The following PIP4K2A variants were observed in gnomAD, a reference collection of about 807,000 sequenced individuals.
PIP4K2A encodes the protein phosphatidylinositol 5-phosphate 4-kinase type-2 alpha.
Under a neutral mutation model 42.9 loss-of-function variants are expected in PIP4K2A, and 14 were observed. The observed-to-expected ratio is 0.33, with a 90% CI of 0.22 to 0.51. The LOEUF (loss-of-function observed/expected upper bound fraction) is 0.51. Among genes scored for constraint, PIP4K2A ranks in the 20% least tolerant of loss-of-function variants. The pLI is 0.97. For synonymous variants in PIP4K2A, 192 were observed against 192.2 expected, an observed-to-expected ratio of 1.00 and a Z score of 0.01; for missense variants, 434 against 519.8, an observed-to-expected ratio of 0.83 and a Z score of 1.61.
chr10:22,627,588 T>TAAAAAA (rs1564448260), intron 1 of PIP4K2A, among the ~76,000 whole-genome samples: 8 of 38,916 alleles, frequency 2.1e-4, no homozygotes, highest in Non-Finnish European at 2.8e-4. Flanking sequence ...AGCTAATATG[T>TAAAAAA]AATAAAAAAA....
intron 1 of PIP4K2A, among the ~76,000 whole-genome samples, chr10:22,651,234 G>C (rs1354257028): frequency 6.6e-6 from 1 of 152,144 alleles, no homozygotes; most frequent in African/African-American, 2.4e-5. Flanking sequence ...CTGGTCTCCT[G>C]CCTTTCACTC....
rs57671642 is a variant in PIP4K2A, at chr10:22,627,591, T to TAAAAAAAAAAAAAAAAA, written c.145-17891_145-17875dup. Among the ~76,000 whole-genome samples the TAAAAAAAAAAAAAAAAA allele has an allele frequency of 6.7e-4, 38 of 57,028 alleles. 7 individuals are homozygous for TAAAAAAAAAAAAAAAAA. Among genetic ancestry groups the TAAAAAAAAAAAAAAAAA allele is most frequent in the East Asian group, 1.9e-3 (2 of 1,042 alleles). The allele number at this position is 57,028 out of a possible 152,430, so 37.4% of individuals were successfully genotyped here. ...TGTTTAACCAAAAGCTAATATGTAA[T>TAAAAAAAAAAAAAAAAA]AAAAAAAAAAAAAAAAAAAAAAAAA... is the stretch of plus-strand genomic sequence containing the variant. On this transcript the variant is annotated intron_variant, in intron 1 of 9. Transcript: ENST00000376573.
chr10:22,597,259 C>T (rs554050142), intron 3 of PIP4K2A, among the ~76,000 whole-genome samples: 13 of 152,294 alleles, frequency 8.5e-5, no homozygotes, highest in African/African-American at 2.9e-4. Flanking sequence ...GAAGACCGTG[C>T]TGCTGAGCCC....
At chr10:22,541,181 G>A (rs897393757) in intron 8 of PIP4K2A, among the ~76,000 whole-genome samples, 2 of 152,190 alleles carry the variant, frequency 1.3e-5, no homozygotes, top group African/African-American at 4.8e-5. Flanking sequence ...TGACTCTAGG[G>A]AAGAGGGCCA....
At position 22,591,542 on chromosome 10, in the gene PIP4K2A, C is replaced by A. The variant is rs780758780; in HGVS notation, c.492+87G>T. The A allele has an allele frequency of 4.9e-6, 5 of 1,018,176 alleles. No individual in the cohort carries two copies. The East Asian group carries it at 9.8e-5, about 20-fold the overall frequency. The allele number at this position is 1,018,176 out of a possible 1,614,324, so 63.1% of individuals were successfully genotyped here. ...GAAATGTGTTCTTCTTGTTCTCTAA[C>A]TATATATTTAAATCTCTGGCCTTGG... On this transcript the variant is annotated intron_variant, in intron 4 of 9. Coordinates refer to ENST00000376573, the MANE Select transcript of PIP4K2A (RefSeq NM_005028.5).
Position 22,542,056 on chromosome 10 carries a change from A to G in PIP4K2A, c.793-9T>C. On this transcript the variant is annotated splice_polypyrimidine_tract_variant and intron_variant, in intron 7 of 9. Transcript: ENST00000376573. The stretch of plus-strand genomic sequence containing the variant: ...TTCAGCTGGGCCAGAAACTGGGGAC[A>G]GAGGCAACAGGGTGAGTCAGCCACA... The G allele has an allele frequency of 6.2e-7, 1 of 1,601,174 alleles. No homozygotes were observed. Among genetic ancestry groups the G allele is most frequent in the Non-Finnish European group, 8.5e-7 (1 of 1,173,520 alleles).
intron 1 of PIP4K2A, among the ~76,000 whole-genome samples, chr10:22,643,514 C>A (rs1838821155): frequency 6.6e-6 from 1 of 152,144 alleles, no homozygotes. Flanking sequence ...AGAATTCTAG[C>A]CACCAGCTCG....
chr10:22,625,052 C>A lies in PIP4K2A; in HGVS notation c.145-15335G>T, dbSNP rs192987906. 7.0e-3 allele frequency among the ~76,000 whole-genome samples: 1,072 copies of A among 152,244 alleles called. 25 individuals carry two copies. Among genetic ancestry groups the A allele is most frequent in the Non-Finnish European group, 5.7e-3 (387 of 67,998 alleles). On this transcript the variant is annotated intron_variant, in intron 1 of 9. Coordinates refer to ENST00000376573, the MANE Select transcript of PIP4K2A (RefSeq NM_005028.5). ...TAAAATTTTATCATCTGAAAGTCAA[C>A]TAAAAACCTTTGTATAACTGGCGAG...
At chr10:22,681,436 G>A (rs1839658137) in intron 1 of PIP4K2A, among the ~76,000 whole-genome samples, 1 of 152,208 alleles carries the variant, frequency 6.6e-6, no homozygotes, top group African/African-American at 2.4e-5. Context: ...CACCTTGAGA[G>A]GCCCAGGCAG....
chr10:22,548,756 T>A (rs753577699), intron 7 of PIP4K2A, among the ~76,000 whole-genome samples: 3 of 152,182 alleles, frequency 2.0e-5, no homozygotes, highest in Non-Finnish European at 2.9e-5. Context: ...TTGAAGTAGA[T>A]GCTTACAGGC....
intron 6 of PIP4K2A, among the ~76,000 whole-genome samples, chr10:22,553,554 G>A (rs1836461778): frequency 6.6e-6 from 1 of 152,138 alleles, no homozygotes; most frequent in South Asian, 2.1e-4. Context: ...TACATTCAAG[G>A]AAACTGAGAT....
At chr10:22,664,685 T>C (rs1054571220) in intron 1 of PIP4K2A, among the ~76,000 whole-genome samples, 4 of 152,156 alleles carry the variant, frequency 2.6e-5, no homozygotes, top group Non-Finnish European at 5.9e-5. Context: ...TTAATGCTAA[T>C]AAATAATGTC....
intron 1 of PIP4K2A, among the ~76,000 whole-genome samples, chr10:22,686,124 C>G (rs909518209): frequency 6.6e-6 from 1 of 152,126 alleles, no homozygotes; most frequent in Non-Finnish European, 1.5e-5. Flanking sequence ...CTGTCTATCA[C>G]TGTGGAAAAC....
intron 1 of PIP4K2A, among the ~76,000 whole-genome samples, chr10:22,615,872 T>A (rs747923362): frequency 6.6e-6 from 1 of 151,968 alleles, no homozygotes; most frequent in East Asian, 1.9e-4. Context: ...GTATTAGAAA[T>A]TCCCCGCCCC....
intron 1 of PIP4K2A, among the ~76,000 whole-genome samples, chr10:22,682,896 T>A (rs1839690362): frequency 6.6e-6 from 1 of 152,174 alleles, no homozygotes; most frequent in African/African-American, 2.4e-5. Context: ...TATGCATCAT[T>A]TGCGTCTGAA....
intron 1 of PIP4K2A, among the ~76,000 whole-genome samples, chr10:22,660,130 A>T (rs1302936125): frequency 6.6e-6 from 1 of 152,000 alleles, no homozygotes; most frequent in Non-Finnish European, 1.5e-5. Flanking sequence ...CTACATCCCC[A>T]GCACCCACTC....
intron 4 of PIP4K2A, among the ~76,000 whole-genome samples, chr10:22,577,904 C>T (rs1035586773): frequency 1.3e-5 from 2 of 152,182 alleles, no homozygotes; most frequent in East Asian, 1.9e-4. Flanking sequence ...CTGGCTTGAA[C>T]GTACACTTTG....
chr10:22,575,436 T>C (rs1001470439), intron 4 of PIP4K2A, among the ~76,000 whole-genome samples: 2 of 152,188 alleles, frequency 1.3e-5, no homozygotes, highest in Non-Finnish European at 2.9e-5. Context: ...TGATTCAAGT[T>C]GCTGTGCAGA....
At chr10:22,560,129 G>A (rs535621761) in intron 6 of PIP4K2A, among the ~76,000 whole-genome samples, 2 of 152,190 alleles carry the variant, frequency 1.3e-5, no homozygotes, top group South Asian at 2.1e-4. Flanking sequence ...GGCTGGCAAA[G>A]GGAAATGATT....
Sources: gnomAD v4.1 joint callset for allele counts (sites outside exome capture counted in the v4.1 genomes callset) on GRCh38, gnomAD v4.1.1 for gene constraint, MANE v1.5 for transcripts, NCBI Gene and HGNC (gene_info 2026-07-23, HGNC 2026-07-21) for gene names.